ETV6: variants seen among roughly 807,000 people sequenced by gnomAD.
The protein encoded by ETV6 is ETS variant transcription factor 6.
A neutral mutation model predicts 51.1 loss-of-function variants in ETV6; 16 were observed. The observed-to-expected ratio is 0.31, with a 90% CI of 0.21 to 0.48. The LOEUF is 0.48. Ranked by LOEUF, ETV6 falls within the 20% of genes least tolerant of loss-of-function variation. The pLI, the probability that ETV6 is intolerant of heterozygous loss-of-function variation, is 0.99. For synonymous variants in ETV6, 240 were observed against 224.1 expected, an observed-to-expected ratio of 1.07 and a Z score of -0.64; for missense variants, 458 against 594.8, an observed-to-expected ratio of 0.77 and a Z score of 2.39.
chr12:11,753,765 C>T (rs537770122), intron 2 of ETV6, among the ~76,000 whole-genome samples: 66 of 152,334 alleles, frequency 4.3e-4, no homozygotes, highest in African/African-American at 1.4e-3. Flanking sequence ...AGAGGGCAGA[C>T]GGTTGCTGGG....
intron 2 of ETV6, among the ~76,000 whole-genome samples, chr12:11,794,706 T>C (rs1450618683): frequency 6.6e-6 from 1 of 152,186 alleles, no homozygotes; most frequent in African/African-American, 2.4e-5. Flanking sequence ...TCATTTCAGA[T>C]TTGTGGGGAT....
In ETV6 at chr12:11,893,797, TATATA is replaced by T. The variant is rs1947338755; in HGVS notation, c.*2752_*2756del. The stretch of plus-strand genomic sequence containing the variant: ...TCCATCCCCAAGATCTCTCATTTTA[TATATA>T]TATATATATATATATATATATATAT... On this transcript the variant is annotated 3_prime_UTR_variant, in exon 8 of 8. Coordinates refer to ENST00000396373, the MANE Select transcript of ETV6 (RefSeq NM_001987.5). The T allele has an allele frequency of 1.6e-4, 1 of 6,140 alleles. No homozygotes were observed. 0.4% of individuals were successfully genotyped at this position (6,140 alleles called of 1,614,324 possible). A position where few individuals can be genotyped will look rare whatever the true frequency, so the allele number is the denominator to read the frequency against.
chr12:11,746,790 C>CTTTTTTTTTTT (rs56135545), intron 1 of ETV6, among the ~76,000 whole-genome samples: 1 of 118,682 alleles, frequency 8.4e-6, no homozygotes, highest in Admixed American at 8.7e-5. Flanking sequence ...CTCTCTCTCT[C>CTTTTTTTTTTT]TTTTTTTTTT....
intron 2 of ETV6, among the ~76,000 whole-genome samples, chr12:11,794,579 A>T (rs1945649916): frequency 6.6e-6 from 1 of 152,218 alleles, no homozygotes; most frequent in Admixed American, 6.5e-5. Flanking sequence ...GCTTGACGCA[A>T]GACACCTGAC....
intron 2 of ETV6, among the ~76,000 whole-genome samples, chr12:11,768,039 C>T (rs1448446998): frequency 1.3e-5 from 2 of 152,078 alleles, no homozygotes; most frequent in Non-Finnish European, 2.9e-5. Context: ...AATGGCTGCT[C>T]ATTTAAGCCA....
intron 4 of ETV6, among the ~76,000 whole-genome samples, chr12:11,859,146 T>C (rs1469532856): frequency 8.8e-5 from 8 of 90,982 alleles, no homozygotes; most frequent in Non-Finnish European, 1.7e-4. Flanking sequence ...TTTTTTTTTT[T>C]TTTTTTTTTT....
At chr12:11,811,351 C>G (rs1945909929) in intron 2 of ETV6, among the ~76,000 whole-genome samples, 2 of 152,222 alleles carry the variant, frequency 1.3e-5, no homozygotes, top group Non-Finnish European at 2.9e-5. Context: ...TTGGAATATG[C>G]TATGGTGACC....
chr12:11,804,521 G>A (rs1720183190), intron 2 of ETV6, among the ~76,000 whole-genome samples: 2 of 152,086 alleles, frequency 1.3e-5, no homozygotes, highest in East Asian at 1.9e-4. Flanking sequence ...CAGGGCATTT[G>A]CACTTGCTGC....
At chr12:11,726,707 C>A (rs954565174) in intron 1 of ETV6, among the ~76,000 whole-genome samples, 63 of 152,256 alleles carry the variant, frequency 4.1e-4, no homozygotes, top group African/African-American at 1.5e-3. Flanking sequence ...GAGTTCAAGG[C>A]TGCAGTGAGC....
chr12:11,857,485 C>A (rs1051724921), intron 4 of ETV6, among the ~76,000 whole-genome samples: 4 of 152,186 alleles, frequency 2.6e-5, no homozygotes, highest in African/African-American at 9.7e-5. Flanking sequence ...TCTAGAAAAA[C>A]CAGCATTTTC....
At chr12:11,724,781 C>T (rs1865456550) in intron 1 of ETV6, among the ~76,000 whole-genome samples, 1 of 152,188 alleles carries the variant, frequency 6.6e-6, no homozygotes, top group African/African-American at 2.4e-5. Flanking sequence ...AGATAAGAGG[C>T]TTGTCTGGCT....
chr12:11,738,012 A>G (rs113870294), intron 1 of ETV6, among the ~76,000 whole-genome samples: 115 of 152,268 alleles, frequency 7.6e-4, no homozygotes, highest in Non-Finnish European at 1.3e-3. Flanking sequence ...GATAGAATGA[A>G]TGCAAGTTGC....
chr12:11,696,391 T>C (rs1048495928), intron 1 of ETV6, among the ~76,000 whole-genome samples: 2 of 152,200 alleles, frequency 1.3e-5, no homozygotes, highest in Admixed American at 6.5e-5. Context: ...TACTTAACCA[T>C]TCTGTACTTC....
At chr12:11,808,935 G>T (rs1189995946) in intron 2 of ETV6, among the ~76,000 whole-genome samples, 2 of 152,140 alleles carry the variant, frequency 1.3e-5, no homozygotes, top group African/African-American at 4.8e-5. Context: ...AGGCCAAGGT[G>T]GGCAGATCAC....
chr12:11,710,238 C>T (rs1865148732), intron 1 of ETV6, among the ~76,000 whole-genome samples: 1 of 152,008 alleles, frequency 6.6e-6, no homozygotes, highest in African/African-American at 2.4e-5. Context: ...TCTGGTCATT[C>T]AGAGACCGTT....
At chr12:11,747,627 C>T (rs576311371) in intron 1 of ETV6, among the ~76,000 whole-genome samples, 1 of 152,184 alleles carries the variant, frequency 6.6e-6, no homozygotes, top group African/African-American at 2.4e-5. Flanking sequence ...AAATTCTTTA[C>T]GTTTGTCTCA....
At chr12:11,884,053 T>C (rs1056195593) in intron 5 of ETV6, among the ~76,000 whole-genome samples, 6 of 152,220 alleles carry the variant, frequency 3.9e-5, no homozygotes, top group African/African-American at 1.4e-4. Flanking sequence ...CAGGACCCTC[T>C]TTCCACCCTT....
intron 1 of ETV6, among the ~76,000 whole-genome samples, chr12:11,720,946 G>T (rs117068415): frequency 0.021 from 3,207 of 152,144 alleles, 60 homozygotes; most frequent in East Asian, 0.082. Context: ...AGACATACAA[G>T]CAGCCAACAA....
At chr12:11,810,946 T>A (rs777423295) in intron 2 of ETV6, among the ~76,000 whole-genome samples, 1 of 152,126 alleles carries the variant, frequency 6.6e-6, no homozygotes, top group Non-Finnish European at 1.5e-5. Context: ...GGCAGCTCTT[T>A]TTTTTTTAAA....
Sources: gnomAD v4.1 joint callset for allele counts (sites outside exome capture counted in the v4.1 genomes callset) on GRCh38, gnomAD v4.1.1 for gene constraint, MANE v1.5 for transcripts, NCBI Gene and HGNC (gene_info 2026-07-23, HGNC 2026-07-21) for gene names.